Variants in LATS2 observed in about 807,000 individuals in gnomAD.
LATS2 encodes the protein serine/threonine-protein kinase LATS2.
LATS2 carries 24 observed loss-of-function variants against 76.0 expected under a neutral mutation model. The observed-to-expected ratio is 0.32, with a 90% confidence interval of 0.23 to 0.44. The LOEUF (loss-of-function observed/expected upper bound fraction) is 0.44, where lower values mean the gene tolerates loss of function less well. Ranked by LOEUF, LATS2 falls within the 20% of genes least tolerant of loss-of-function variation. LATS2 has a pLI of 1.00. For missense variants in LATS2, 1,286 were observed against 1,481.2 expected, an observed-to-expected ratio of 0.87 and a Z score of 2.16; for synonymous variants, 692 against 635.4, an observed-to-expected ratio of 1.09 and a Z score of -1.34.
chr13:20,985,518 T>C lies in LATS2; in HGVS notation c.1900-1712A>G, dbSNP rs376078182. On this transcript the variant is annotated intron_variant, in intron 4 of 7. Transcript: ENST00000382592. Reference sequence around the variant, plus strand: ...CTTTGGGAGGCTGAGGCAGGCGGATTACTTGAGGTCAGGAGTTTGAGACCA... The same window carrying C: ...CTTTGGGAGGCTGAGGCAGGCGGATCACTTGAGGTCAGGAGTTTGAGACCA... Among the ~76,000 whole-genome samples, 178 of 143,908 alleles carry C rather than the reference T, an allele frequency of 1.2e-3. 1 individual carries two copies. The highest frequency in any genetic ancestry group is 8.8e-3 in the Middle Eastern group (2 of 226). 94.4% of individuals were successfully genotyped at this position (143,908 alleles called of 152,430 possible).
intron 2 of LATS2, among the ~76,000 whole-genome samples, chr13:20,994,756 C>T (rs764833775): frequency 5.9e-5 from 9 of 151,394 alleles, no homozygotes; most frequent in Non-Finnish European, 1.2e-4. Flanking sequence ...GTGTTGATGG[C>T]GCATGCCTGT....
At chr13:20,975,840 CA>C (rs1869598821) in intron 7 of LATS2, among the ~76,000 whole-genome samples, 1 of 152,134 alleles carries the variant, frequency 6.6e-6, no homozygotes, top group Non-Finnish European at 1.5e-5. Flanking sequence ...CCTGCCACCA[CA>C]CCCGGCTGAT....
At chr13:21,007,418 GACC>G (rs1305226984) in intron 2 of LATS2, among the ~76,000 whole-genome samples, 1 of 147,240 alleles carries the variant, frequency 6.8e-6, no homozygotes, top group Non-Finnish European at 1.5e-5. Flanking sequence ...TGTGTCTACA[GACC>G]ACAGCCTGTT....
intron 2 of LATS2, among the ~76,000 whole-genome samples, chr13:21,021,474 CAAAAAAAAAAAAAAAA>C (rs58976562): frequency 1.2e-4 from 6 of 48,372 alleles, no homozygotes; most frequent in South Asian, 8.3e-4. Context: ...GACTCTGTCT[CAAAAAAAAAAAAAAAA>C]AAAAAAAAAA....
intron 1 of LATS2, among the ~76,000 whole-genome samples, chr13:21,057,621 G>A (rs1314785214): frequency 6.0e-5 from 9 of 151,096 alleles, no homozygotes; most frequent in Admixed American, 3.3e-4. Flanking sequence ...GTGAAACCCC[G>A]TCTCTACTAA....
intron 2 of LATS2, among the ~76,000 whole-genome samples, chr13:21,044,813 C>T (rs1367578124): frequency 1.3e-5 from 2 of 151,856 alleles, no homozygotes; most frequent in Non-Finnish European, 2.9e-5. Flanking sequence ...ACTGCAGCCA[C>T]AAACTCCTAG....
In LATS2 at chr13:20,988,175, G is replaced by A; in HGVS notation, c.1605C>T (p.Ser535=). 1 of 1,613,726 alleles carries A rather than the reference G, an allele frequency of 6.2e-7. No homozygotes were observed. Among genetic ancestry groups the A allele is most frequent in the Non-Finnish European group, 8.5e-7 (1 of 1,179,948 alleles). Residue 535 remains serine (S), a synonymous_variant, in exon 4 of 8, where the codon AGC becomes AGT. Coordinates refer to ENST00000382592, the MANE Select transcript of LATS2 (RefSeq NM_014572.3). ...GGCTCTGCTCCATGCCTGCGCACAG[G>A]CTGTCCAGGTCGTACTGCTCCGACT... ...RSKSEQYDLD[S]LCAGMEQSLR...
At chr13:21,043,155 T>C (rs921309194) in intron 2 of LATS2, among the ~76,000 whole-genome samples, 3 of 151,082 alleles carry the variant, frequency 2.0e-5, no homozygotes, top group South Asian at 2.1e-4. Context: ...CTAGCCAACA[T>C]AGTGAAACCC....
rs11423103 is a variant in LATS2 at position 21,004,434 on chromosome 13, CA to C, written c.343-13031del. Among the ~76,000 whole-genome samples, 853 of 108,336 alleles carry C rather than the reference CA, an allele frequency of 7.9e-3. 1 individual carries two copies. The highest frequency in any genetic ancestry group is 0.011 in the African/African-American group (338 of 31,344). The allele number at this position is 108,336 out of a possible 152,430, so 71.1% of individuals were successfully genotyped here. Reference sequence around the variant, plus strand: ...GGGCAACAAGAGCGAAACACTGTCTCAAAAAAAAAAAAAAAAGCTTCTGTAA... The same window carrying C: ...GGGCAACAAGAGCGAAACACTGTCTCAAAAAAAAAAAAAAAGCTTCTGTAA... On this transcript the variant is annotated intron_variant, in intron 2 of 7. Transcript: ENST00000382592.
chr13:21,020,999 G>C (rs1872036891), intron 2 of LATS2, among the ~76,000 whole-genome samples: 1 of 152,158 alleles, frequency 6.6e-6, no homozygotes, highest in Admixed American at 6.5e-5. Flanking sequence ...AAAATCAAAA[G>C]GCATCTCCTG....
Position 20,989,430 on chromosome 13 carries a change from G to A in LATS2, c.476-126C>T, listed in dbSNP as rs962891174. On this transcript the variant is annotated intron_variant, in intron 3 of 7. Coordinates refer to ENST00000382592, the MANE Select transcript of LATS2 (RefSeq NM_014572.3). ...AGGGTCTTGAACCCTGGGCCCTGAC[G>A]TGCTGCATTCTGCCCAGCACAGGGT... 2.9e-5 allele frequency: 28 copies of A among 962,566 alleles called. No homozygotes were observed. In the South Asian group the frequency reaches 4.2e-4, roughly 14 times the overall value. The allele number at this position is 962,566 out of a possible 1,614,324, so 59.6% of individuals were successfully genotyped here.
intron 4 of LATS2, among the ~76,000 whole-genome samples, chr13:20,984,254 A>G (rs1328436088): frequency 1.3e-5 from 2 of 152,130 alleles, no homozygotes. Context: ...TTTTATATCC[A>G]TATATAGACA....
At chr13:20,992,936 G>A (rs759831265) in intron 2 of LATS2, among the ~76,000 whole-genome samples, 4 of 151,466 alleles carry the variant, frequency 2.6e-5, no homozygotes, top group Non-Finnish European at 5.9e-5. Flanking sequence ...TCAGGAGGCT[G>A]AGGCAGGTGA....
chr13:21,015,471 T>C (rs1255357729), intron 2 of LATS2, among the ~76,000 whole-genome samples: 1 of 152,196 alleles, frequency 6.6e-6, no homozygotes, highest in African/African-American at 2.4e-5. Flanking sequence ...TAATTATCCA[T>C]ACTACACACA....
chr13:21,059,835 C>T (rs1431078757), intron 1 of LATS2, among the ~76,000 whole-genome samples: 4 of 151,604 alleles, frequency 2.6e-5, no homozygotes, highest in Non-Finnish European at 5.9e-5. Context: ...GCTGGTGGCG[C>T]GGGCCTGTAA....
chr13:21,037,622 T>TA (rs1300316875), intron 2 of LATS2, among the ~76,000 whole-genome samples: 1 of 152,124 alleles, frequency 6.6e-6, no homozygotes, highest in Admixed American at 6.6e-5. Context: ...CAGATTCTGA[T>TA]AAACACTGGG....
At chr13:21,052,168 G>T (rs1025461922) in intron 1 of LATS2, among the ~76,000 whole-genome samples, 1 of 152,172 alleles carries the variant, frequency 6.6e-6, no homozygotes, top group Admixed American at 6.5e-5. Context: ...GATCACAGTG[G>T]TGCTGTGTGT....
intron 2 of LATS2, among the ~76,000 whole-genome samples, chr13:21,003,839 G>C (rs535505040): frequency 3.3e-5 from 5 of 152,312 alleles, no homozygotes; most frequent in Admixed American, 2.0e-4. Flanking sequence ...CTCCCAAAGT[G>C]CTGGGAGTAC....
At chr13:21,007,758 A>ATTT (rs1184394830) in intron 2 of LATS2, among the ~76,000 whole-genome samples, 3 of 5,908 alleles carry the variant, frequency 5.1e-4, no homozygotes, top group African/African-American at 1.4e-3. Flanking sequence ...ATATATATAT[A>ATTT]TATTTTTTTT....
Sources: allele counts gnomAD v4.1 joint callset (sites outside exome capture counted in the v4.1 genomes callset), GRCh38; gene constraint gnomAD v4.1.1; transcripts MANE v1.5; gene names NCBI Gene and HGNC (gene_info 2026-07-23, HGNC 2026-07-21).